The following PRTN3 variants were observed in gnomAD, a reference collection of about 807,000 sequenced individuals.
PRTN3 encodes proteinase 3.
In PRTN3, 22 loss-of-function variants were observed where a neutral mutation model predicts 20.7. The ratio of observed to expected loss-of-function variants is 1.06; its 90% confidence interval spans 0.76 to 1.52. PRTN3 has a LOEUF of 1.52. PRTN3 is among the 40% of genes most tolerant of loss of function. PRTN3 has a pLI of 0.00. For synonymous variants in PRTN3, 173 were observed against 152.9 expected (o/e 1.13, Z -0.97); for missense variants, 378 against 359.6 (o/e 1.05, Z -0.41).
At position 846,013 on chromosome 19, in the gene PRTN3, G is replaced by A. The variant is rs540584852; in HGVS notation, c.370-134G>A. 5.1e-3 allele frequency: 2,927 copies of A among 572,732 alleles called. 13 individuals carry two copies. Among genetic ancestry groups the A allele is most frequent in the Non-Finnish European group, 7.5e-3 (2,525 of 336,544 alleles). 35.5% of individuals were successfully genotyped at this position (572,732 alleles called of 1,614,324 possible). A position where few individuals can be genotyped will look rare whatever the true frequency, so the allele number is the denominator to read the frequency against. ...AGTGACAAATGGGACAAAGGGGGTCGTGGGGCCCAGGCGGAGGGAGCGGCA... is the reference window on the plus strand; with the variant it reads ...AGTGACAAATGGGACAAAGGGGGTCATGGGGCCCAGGCGGAGGGAGCGGCA... On this transcript the variant is annotated intron_variant, in intron 3 of 4. Coordinates refer to ENST00000234347, the MANE Select transcript of PRTN3 (RefSeq NM_002777.4).
intron 4 of PRTN3, among the ~76,000 whole-genome samples, chr19:846,795 T>C (rs1050302102): frequency 6.6e-6 from 1 of 152,056 alleles, no homozygotes; most frequent in African/African-American, 2.4e-5. Flanking sequence ...CAGGCTGGAG[T>C]GCAGTGGTGA....
In PRTN3 at chr19:841,618, G is replaced by C. The variant is rs67907807; in HGVS notation, c.61+549G>C. 7.6e-3 allele frequency among the ~76,000 whole-genome samples: 373 copies of C among 48,990 alleles called. 2 individuals are homozygous for C. The highest frequency in any genetic ancestry group is 0.015 in the Admixed American group (50 of 3,262). The allele number at this position is 48,990 out of a possible 152,430, so 32.1% of individuals were successfully genotyped here. ...TGAACGAATGAATGAGTGAATGAAT[G>C]AATGAGTGAGTGAGTGAAAGGGTCG... On this transcript the variant is annotated intron_variant, in intron 1 of 4. Coordinates refer to ENST00000234347, the MANE Select transcript of PRTN3 (RefSeq NM_002777.4).
At position 847,875 on chromosome 19, in the gene PRTN3, C is replaced by T. The variant is rs141330971; in HGVS notation, c.677C>T (p.Thr226Ile). The change falls in exon 5 of 5, where the codon ACC becomes ATC. Residue 226 changes from threonine to isoleucine, a missense_variant. Transcript: ENST00000234347. ...TCCTTCGTGATCTGGGGATGTGCCACCCGCCTTTTCCCTGACTTCTTCACG... is the reference window on the plus strand; with the variant it reads ...TCCTTCGTGATCTGGGGATGTGCCATCCGCCTTTTCCCTGACTTCTTCACG... Reference protein sequence around the residue: ...IDSFVIWGCATRLFPDFFTRV... With the variant: ...IDSFVIWGCAIRLFPDFFTRV... 1.2e-5 allele frequency: 20 copies of T among 1,607,680 alleles called. No individual in the cohort carries two copies. The highest frequency in any genetic ancestry group is 1.7e-5 in the Non-Finnish European group (20 of 1,176,834).
Position 843,483 on chromosome 19 carries a change from C to T in PRTN3, c.84C>T (p.Ile28=). The stretch of plus-strand genomic sequence containing the variant: ...CAGGTGCTGCCCGAGCTGCGGAGAT[C>T]GTGGGCGGGCACGAGGCGCAGCCAC... The part of the protein sequence containing the change: ...LLSGAARAAE[I]VGGHEAQPHS... The change falls in exon 2 of 5, where the codon ATC becomes ATT. Residue 28 remains isoleucine (I), a synonymous_variant. Transcript: ENST00000234347. The T allele has an allele frequency of 1.3e-6, 2 of 1,577,398 alleles. No homozygotes were observed. Among genetic ancestry groups the T allele is most frequent in the Non-Finnish European group, 8.6e-7 (1 of 1,165,972 alleles).
chr19:843,702 T>C, intron 2 of PRTN3, 76 bp downstream of exon 2: 4 of 1,496,096 alleles, frequency 2.7e-6, no homozygotes, highest in Non-Finnish European at 1.8e-6. Flanking sequence ...ACTGTCCCTC[T>C]GCCCGGGGAG....
At chr19:845,238 G>A (rs578144117) in intron 3 of PRTN3, among the ~76,000 whole-genome samples, 26 of 151,742 alleles carry the variant, frequency 1.7e-4, no homozygotes, top group African/African-American at 6.3e-4. Context: ...GAGAGCCACC[G>A]CGTCCAGCCT....
chr19:846,474 T>C, intron 4 of PRTN3, 97 bp downstream of exon 4: 1 of 1,244,932 alleles, frequency 8.0e-7, no homozygotes, highest in Non-Finnish European at 1.1e-6. Flanking sequence ...TGTGGCTTCA[T>C]GCTGTGCCTC....
At chr19:841,185 G>T in intron 1 of PRTN3, 116 bp downstream of exon 1, 4 of 1,344,684 alleles carry the variant, frequency 3.0e-6, no homozygotes, top group South Asian at 1.3e-5. Flanking sequence ...ACTGAGGCAG[G>T]GTCAGGGGAG....
rs1016113965 is a variant in PRTN3, at chr19:848,104, C to A, written c.*135C>A. 8 of 1,144,556 alleles carry A rather than the reference C, an allele frequency of 7.0e-6. No individual in the cohort carries two copies. The African/African-American group carries it at 1.1e-4, about 16-fold the overall frequency. 70.9% of individuals were successfully genotyped at this position (1,144,556 alleles called of 1,614,324 possible). On this transcript the variant is annotated 3_prime_UTR_variant, in exon 5 of 5. Transcript: ENST00000234347. The stretch of plus-strand genomic sequence containing the variant: ...CCCCACCCGTCCCCCCACACTCCCT[C>A]CCACGGGGCTCCGGGAGACAGGCCG...
In PRTN3 at chr19:841,069, GGTGA is replaced by G; in HGVS notation, c.61+6_61+9del. ...CGTGCTGCTGGCCTTGCTGCTGAGCGGTGAGTGAGCCACGTGCCCATCCATCCAG... is the reference window on the plus strand; with the variant it reads ...CGTGCTGCTGGCCTTGCTGCTGAGCGGTGAGCCACGTGCCCATCCATCCAG... On this transcript the variant is annotated splice_donor_variant and splice_donor_region_variant and intron_variant, in intron 1 of 4. Transcript: ENST00000234347. LOFTEE classifies it high-confidence loss of function. 1 of 1,604,900 alleles carries G rather than the reference GGTGA, an allele frequency of 6.2e-7. No individual in the cohort carries two copies. The highest frequency in any genetic ancestry group is 8.5e-7 in the Non-Finnish European group (1 of 1,179,802).
Position 848,117 on chromosome 19 carries a change from G to A in PRTN3, c.*148G>A, listed in dbSNP as rs1264025774. The A allele has an allele frequency of 6.1e-5, 63 of 1,027,950 alleles. No individual in the cohort carries two copies. The Admixed American group carries it at 8.1e-4, about 13-fold the overall frequency. 63.7% of individuals were successfully genotyped at this position (1,027,950 alleles called of 1,614,324 possible). On this transcript the variant is annotated 3_prime_UTR_variant, in exon 5 of 5. Transcript: ENST00000234347. ...CCCACACTCCCTCCCACGGGGCTCC[G>A]GGAGACAGGCCGGCCCTGCACCTCA...
At chr19:842,305 T>A (rs2035454589) in intron 1 of PRTN3, among the ~76,000 whole-genome samples, 1 of 145,652 alleles carries the variant, frequency 6.9e-6, no homozygotes, top group Non-Finnish European at 1.5e-5. Context: ...AAAATGGGTC[T>A]CTTTGTTGGC....
chr19:842,413 A>ATTTTTTTTTTTTTTTTTTT lies in PRTN3; in HGVS notation c.62-1042_62-1024dup, dbSNP rs34047197. 1.8e-4 allele frequency among the ~76,000 whole-genome samples: 7 copies of ATTTTTTTTTTTTTTTTTTT among 39,420 alleles called. 1 individual carries two copies. The highest frequency in any genetic ancestry group is 4.7e-4 in the Admixed American group (1 of 2,142). 25.9% of individuals were successfully genotyped at this position (39,420 alleles called of 152,430 possible). ...TCAGGCATGAGCCACTGCGCCCAGG[A>ATTTTTTTTTTTTTTTTTTT]TTTTTTTTTTTTTTTTTTTTTTTTG... On this transcript the variant is annotated intron_variant, in intron 1 of 4. Transcript: ENST00000234347.
Position 843,619 on chromosome 19 carries a change from C to A in PRTN3, c.220C>A (p.Arg74=), listed in dbSNP as rs1293268712. Residue 74 remains arginine (R), a synonymous_variant, in exon 2 of 5, where the codon CGG becomes AGG. Transcript: ENST00000234347. ...CGTGCTGACGGCCGCGCACTGCCTG[C>A]GGGACATGTGAGCGGCCGCCTCCAC... ...SFVLTAAHCL[R]DIPQRLVNVV... 6.3e-7 allele frequency: 1 copy of A among 1,581,090 alleles called. No homozygotes were observed. The highest frequency in any genetic ancestry group is 8.5e-7 in the Non-Finnish European group (1 of 1,170,410).
At chr19:841,608 GTGAA>G (rs1030720322) in intron 1 of PRTN3, among the ~76,000 whole-genome samples, 2 of 58,006 alleles carry the variant, frequency 3.4e-5, no homozygotes, top group Non-Finnish European at 7.6e-5. Context: ...GAATGAATGA[GTGAA>G]TGAATGAATG....
intron 4 of PRTN3, 50 bp from the exon 5 acceptor site, chr19:847,749 G>A: frequency 6.4e-7 from 1 of 1,558,126 alleles, no homozygotes; most frequent in Non-Finnish European, 8.7e-7. Flanking sequence ...CCATCCTCCA[G>A]GGAGACTCAG....
chr19:841,789 G>A (rs566708560), intron 1 of PRTN3, among the ~76,000 whole-genome samples: 31 of 135,726 alleles, frequency 2.3e-4, no homozygotes, highest in East Asian at 8.3e-4. Context: ...GTGCAGTGGC[G>A]CGATCTCGGC....
chr19:847,549 A>AAGAAAGAAAGAAAGAAAGAAAAAG (rs1439165596), intron 4 of PRTN3, among the ~76,000 whole-genome samples: 1 of 127,730 alleles, frequency 7.8e-6, no homozygotes, highest in South Asian at 2.4e-4. Flanking sequence ...GAAAGAAAGA[A>AAGAAAGAAAGAAAGAAAGAAAAAG]AAAGAAAGAG....
intron 3 of PRTN3, 136 bp from the exon 4 acceptor site, chr19:846,011 T>G: frequency 3.7e-6 from 2 of 545,706 alleles, no homozygotes. Flanking sequence ...ACAAAGGGGG[T>G]CGTGGGGCCC....
Sources: gnomAD v4.1 joint callset for allele counts (sites outside exome capture counted in the v4.1 genomes callset) on GRCh38, gnomAD v4.1.1 for gene constraint, MANE v1.5 for transcripts, NCBI Gene and HGNC (gene_info 2026-07-23, HGNC 2026-07-21) for gene names.